Variants in PTCH1 observed in about 807,000 individuals in gnomAD.
PTCH1 encodes the protein patched 1, also known as protein patched homolog 1.
A neutral mutation model predicts 144.6 loss-of-function variants in PTCH1; 14 were observed. The observed-to-expected ratio is 0.10, with a 90% CI of 0.06 to 0.15. The LOEUF is 0.15. PTCH1 is among the 10% of genes least tolerant of loss of function. The pLI is 1.00. For missense variants in PTCH1, 1,623 were observed against 1,948.3 expected (o/e 0.83, Z 3.14); for synonymous variants, 833 against 793.6 (o/e 1.05, Z -0.83).
chr9:95,502,909 C>G (rs527448176), intron 2 of PTCH1, among the ~76,000 whole-genome samples: 1 of 152,156 alleles, frequency 6.6e-6, no homozygotes, highest in Non-Finnish European at 1.5e-5. Flanking sequence ...AATTTGCTGG[C>G]TGTATTAAAA....
chr9:95,475,939 G>A, intron 12 of PTCH1, 95 bp downstream of exon 12: 1 of 1,565,954 alleles, frequency 6.4e-7, no homozygotes, highest in Non-Finnish European at 8.7e-7. Context: ...CACTTCATAA[G>A]TAACTGAAGT....
At chr9:95,471,172 G>A (rs1386048412) in intron 12 of PTCH1, among the ~76,000 whole-genome samples, 3 of 152,100 alleles carry the variant, frequency 2.0e-5, no homozygotes, top group Admixed American at 1.3e-4. Context: ...ACTGATAAAC[G>A]TCCTAGGGTG....
Position 95,444,509 on chromosome 9 carries a change from GCACA to G in PTCH1, c.*1880_*1883del, listed in dbSNP as rs59205702. 9.7e-4 allele frequency: 145 copies of G among 149,160 alleles called. 1 individual carries two copies. The highest frequency in any genetic ancestry group is 2.0e-3 in the African/African-American group (80 of 40,804). 9.2% of individuals were successfully genotyped at this position (149,160 alleles called of 1,614,324 possible). A position where few individuals can be genotyped will look rare whatever the true frequency, so the allele number is the denominator to read the frequency against. On this transcript the variant is annotated 3_prime_UTR_variant, in exon 24 of 24. Transcript: ENST00000331920. ...CAGAGACACACACACACGCACGCACGCACACACACACACACACACCCAGCAGCCA... is the reference window on the plus strand; with the variant it reads ...CAGAGACACACACACACGCACGCACGCACACACACACACACCCAGCAGCCA...
intron 16 of PTCH1, among the ~76,000 whole-genome samples, chr9:95,460,393 T>C (rs963750897): frequency 2.0e-5 from 3 of 152,102 alleles, no homozygotes; most frequent in African/African-American, 4.8e-5. Context: ...CGTGGCCAAA[T>C]GTGCTCCCTC....
At chr9:95,459,856 A>G in intron 16 of PTCH1, 73 bp from the exon 17 acceptor site, 2 of 1,520,638 alleles carry the variant, frequency 1.3e-6, no homozygotes, top group East Asian at 4.5e-5. Context: ...TTGAGAGCAC[A>G]GAAGCTGAGC....
intron 3 of PTCH1, 44 bp downstream of exon 3, chr9:95,485,641 G>A (rs781012061): frequency 7.4e-6 from 12 of 1,611,220 alleles, no homozygotes; most frequent in Middle Eastern, 1.7e-4. Flanking sequence ...TTCTCCCACC[G>A]CCTTACCTGC....
intron 10 of PTCH1, among the ~76,000 whole-genome samples, chr9:95,477,152 C>T (rs1230520227): frequency 2.6e-5 from 4 of 152,222 alleles, no homozygotes; most frequent in Non-Finnish European, 5.9e-5. Context: ...ACCAGCATCA[C>T]TGGGAATTGC....
chr9:95,459,125 T>C (rs1467044490), intron 17 of PTCH1, among the ~76,000 whole-genome samples: 1 of 152,230 alleles, frequency 6.6e-6, no homozygotes. Context: ...AGGACGCTGT[T>C]GTATACAGAC....
intron 2 of PTCH1, among the ~76,000 whole-genome samples, chr9:95,494,742 C>A (rs1842676922): frequency 6.6e-6 from 1 of 152,178 alleles, no homozygotes. Context: ...TTTCATCAAG[C>A]TTAGTTGAAA....
chr9:95,495,441 A>G lies in PTCH1; in HGVS notation c.395-9567T>C, dbSNP rs1038280269. 1.3e-5 allele frequency: 2 copies of G among 148,826 alleles called. 1 individual carries two copies. Among genetic ancestry groups the G allele is most frequent in the South Asian group, 4.2e-4 (2 of 4,736 alleles). 9.2% of individuals were successfully genotyped at this position (148,826 alleles called of 1,614,324 possible). On this transcript the variant is annotated intron_variant, in intron 2 of 23. Transcript: ENST00000331920. ...CCCATGTGATTCTTTTTTTTTTTTT[A>G]AATCTATAAAGAATTTGGTGGGTCT...
chr9:95,476,806 C>A lies in PTCH1; in HGVS notation c.1555G>T (p.Ala519Ser), dbSNP rs2118282624. 1 of 1,614,028 alleles carries A rather than the reference C, an allele frequency of 6.2e-7. No individual in the cohort carries two copies. The highest frequency in any genetic ancestry group is 8.5e-7 in the Non-Finnish European group (1 of 1,179,948). ...TGTCCTGTTTCACTGAAGGCGTGGG[C>A]CAGAAGAAAAACATCATCCACACCA... is the stretch of plus-strand genomic sequence containing the variant. The part of the protein sequence containing the change: ...GVGVDDVFLL[A>S]HAFSETGQNK... The change falls in exon 11 of 24, where the codon GCC (alanine) becomes TCC (serine). Residue 519 changes from alanine (A) to serine (S), a missense_variant. This residue lies in a region of PTCH1 where 135 missense variants were observed against 228.7 expected (regional missense o/e 0.59). Coordinates refer to ENST00000331920, the MANE Select transcript of PTCH1 (RefSeq NM_000264.5). This position sits in a 1 kb window ranked among gnomAD's most constrained non-coding sequence, Gnocchi z 4.6.
intron 20 of PTCH1, chr9:95,452,328 G>GACACACAC (rs59002919): frequency 0.041 from 6,094 of 147,670 alleles, 194 homozygotes; most frequent in African/African-American, 0.084. Flanking sequence ...CTCTCTCTCT[G>GACACACAC]ACACACACAC....
chr9:95,482,262 A>G (rs765691709), intron 3 of PTCH1, 59 bp from the exon 4 acceptor site: 11 of 1,459,710 alleles, frequency 7.5e-6, no homozygotes, highest in South Asian at 3.5e-5. Context: ...ATTAGTGCAA[A>G]TTCGAAATGA....
At chr9:95,461,786 C>A (rs974450406) in intron 16 of PTCH1, 70 bp downstream of exon 16, 1 of 1,601,330 alleles carries the variant, frequency 6.2e-7, no homozygotes, top group African/African-American at 1.3e-5. Context: ...CACACGCTGT[C>A]AAGCAGCCTC....
chr9:95,510,566 G>T (rs1211694746), upstream of PTCH1, among the ~76,000 whole-genome samples: 1 of 151,406 alleles, frequency 6.6e-6, no homozygotes, highest in East Asian at 1.9e-4. Context: ...AAGTTATTAC[G>T]TTCCTCCCTG....
intron 2 of PTCH1, among the ~76,000 whole-genome samples, chr9:95,501,290 A>G (rs972325481): frequency 4.9e-4 from 75 of 152,192 alleles, no homozygotes; most frequent in African/African-American, 1.8e-3. Flanking sequence ...AGAAACCAGG[A>G]TGCTGCTAAA....
chr9:95,448,775 G>T (rs1355398944), intron 22 of PTCH1, among the ~76,000 whole-genome samples: 1 of 150,026 alleles, frequency 6.7e-6, no homozygotes. Context: ...GGCCTTTGAA[G>T]CCCAAACTGT....
intron 20 of PTCH1, chr9:95,452,534 CA>C: frequency 6.6e-6 from 1 of 152,316 alleles, no homozygotes. Context: ...GGAGGCTGCT[CA>C]AAGAAGCAAG....
intron 2 of PTCH1, among the ~76,000 whole-genome samples, chr9:95,505,466 G>C (rs189728957): frequency 6.6e-6 from 1 of 152,088 alleles, no homozygotes. Flanking sequence ...TGAAACCTTT[G>C]TCACCAAAAT....
Sources: gnomAD v4.1 joint callset for allele counts (sites outside exome capture counted in the v4.1 genomes callset) on GRCh38, gnomAD v4.1.1 for gene constraint, gnomAD v4.1.1 regional missense constraint, Gnocchi (gnomAD v3.1) non-coding constraint, MANE v1.5 for transcripts, NCBI Gene and HGNC (gene_info 2026-07-23, HGNC 2026-07-21) for gene names.